CCDC194: variants seen among roughly 807,000 people sequenced by gnomAD.
CCDC194 encodes coiled-coil domain containing 194, also known as coiled-coil domain-containing protein 194.
A neutral mutation model predicts 4.9 loss-of-function variants in CCDC194; 8 were observed. That is an observed-to-expected ratio of 1.65 (90% CI 0.97 to 2.97). The LOEUF is 2.97. CCDC194 is among the 30% of genes most tolerant of loss of function. The pLI, the probability that CCDC194 is intolerant of heterozygous loss-of-function variation, is 0.00. For missense variants in CCDC194, 52 were observed against 43.1 expected, an observed-to-expected ratio of 1.21 and a Z score of -0.58; for synonymous variants, 13 against 17.0, an observed-to-expected ratio of 0.76 and a Z score of 0.58.
downstream of CCDC194, among the ~76,000 whole-genome samples, chr19:17,387,410 C>A (rs1440532150): frequency 6.6e-6 from 1 of 150,752 alleles, no homozygotes; most frequent in Admixed American, 6.6e-5. Flanking sequence ...CCAAGCCCTA[C>A]ACACACACAC....
downstream of CCDC194, among the ~76,000 whole-genome samples, chr19:17,389,228 T>TG (rs767396737): frequency 2.0e-5 from 3 of 152,176 alleles, no homozygotes; most frequent in Non-Finnish European, 4.4e-5. Flanking sequence ...GTTAAGGAGT[T>TG]GGAGATTAAT....
At chr19:17,387,534 A>G (rs2074640082), downstream of CCDC194, among the ~76,000 whole-genome samples, 1 of 152,154 alleles carries the variant, frequency 6.6e-6, no homozygotes, top group Admixed American at 6.6e-5. Context: ...CCTGGCCAAC[A>G]TGGTGAAACC....
chr19:17,391,909 G>T, intron 1 of CCDC194, 63 bp from the exon 2 acceptor site: 1 of 1,406,800 alleles, frequency 7.1e-7, no homozygotes. Flanking sequence ...GATTCGGCCT[G>T]GCCCTTTTGG....
In CCDC194 at chr19:17,391,176, A is replaced by T. The variant is rs2074652973; in HGVS notation, c.554+35T>A. 1.0e-5 allele frequency: 4 copies of T among 395,154 alleles called. No homozygotes were observed. In the East Asian group the frequency reaches 1.4e-4, roughly 14 times the overall value. 24.5% of individuals were successfully genotyped at this position (395,154 alleles called of 1,614,324 possible). A position where few individuals can be genotyped will look rare whatever the true frequency, so the allele number is the denominator to read the frequency against. On this transcript the variant is annotated intron_variant, in intron 3 of 3. Transcript: ENST00000636079. ...AGCATTGGTCGCGCCCTCCCCGTCC[A>T]TCCGACCCCGCCCTCGGGCCAGCCC...
exon 2 of CCDC194, chr19:17,391,791 G>A: frequency 6.5e-7 from 1 of 1,535,574 alleles, no homozygotes; most frequent in East Asian, 2.4e-5. Context: ...GGTCCCCTGT[G>A]CCTTGGCTTC....
chr19:17,391,675 C>A (rs1464386100), intron 2 of CCDC194, 75 bp downstream of exon 2: 2 of 1,535,214 alleles, frequency 1.3e-6, no homozygotes, highest in Non-Finnish European at 8.7e-7. Flanking sequence ...TGCAACTGTG[C>A]TTGTTTGGAT....
chr19:17,388,166 G>A (rs986400806), downstream of CCDC194, among the ~76,000 whole-genome samples: 2 of 146,784 alleles, frequency 1.4e-5, no homozygotes, highest in African/African-American at 2.5e-5. Context: ...GATTACAGGC[G>A]TGAGCCACCC....
intron 1 of CCDC194, among the ~76,000 whole-genome samples, chr19:17,393,350 C>T (rs2074661756): frequency 1.4e-5 from 2 of 145,748 alleles, no homozygotes; most frequent in South Asian, 4.3e-4. Flanking sequence ...CACCATTTAT[C>T]TGGCAAATAG....
In CCDC194 at chr19:17,391,085, TG is replaced by T. The variant is rs906104627; in HGVS notation, c.554+125del. On this transcript the variant is annotated intron_variant, in intron 3 of 3. Coordinates refer to ENST00000636079, the Ensembl canonical transcript of CCDC194. ...CAGGATCCCCCTATTAAATCAACAA[TG>T]CCCCCCCCCCACCACAATTCCACGC... 10 of 222,726 alleles carry T rather than the reference TG, an allele frequency of 4.5e-5. No individual in the cohort carries two copies. The African/African-American group carries it at 7.6e-4, about 17-fold the overall frequency. 13.8% of individuals were successfully genotyped at this position (222,726 alleles called of 1,614,324 possible). A position where few individuals can be genotyped will look rare whatever the true frequency, so the allele number is the denominator to read the frequency against.
chr19:17,392,778 G>T (rs997672372), intron 1 of CCDC194, among the ~76,000 whole-genome samples: 1 of 152,200 alleles, frequency 6.6e-6, no homozygotes, highest in Non-Finnish European at 1.5e-5. Flanking sequence ...AGGCGGGAGT[G>T]CAGTGGTGGG....
At chr19:17,388,122 G>A (rs11881197), downstream of CCDC194, among the ~76,000 whole-genome samples, 21,726 of 150,582 alleles carry the variant, frequency 0.14, 2,100 homozygotes, top group African/African-American at 0.28. Context: ...TCCTGACCTC[G>A]TGATCCGCCC....
At chr19:17,392,983 C>T (rs2074660575) in intron 1 of CCDC194, among the ~76,000 whole-genome samples, 2 of 152,102 alleles carry the variant, frequency 1.3e-5, no homozygotes, top group Admixed American at 1.3e-4. Context: ...CGCCCGGCCC[C>T]ATTTTGATTT....
At chr19:17,391,786 C>A in exon 2 of CCDC194, 1 of 1,535,656 alleles carries the variant, frequency 6.5e-7, no homozygotes, top group Non-Finnish European at 8.7e-7. Context: ...ATCTGGGTCC[C>A]CTGTGCCTTG....
intron 2 of CCDC194, 54 bp from the exon 3 acceptor site, chr19:17,391,397 A>G: frequency 2.8e-6 from 1 of 362,088 alleles, no homozygotes; most frequent in South Asian, 3.2e-5. Flanking sequence ...CACCCGCCCC[A>G]CGCACGCCGG....
At chr19:17,389,882 T>C (rs1841583696), downstream of CCDC194, among the ~76,000 whole-genome samples, 1 of 152,168 alleles carries the variant, frequency 6.6e-6, no homozygotes, top group African/African-American at 2.4e-5. Context: ...GGAGAATTGC[T>C]TGAACCTGGG....
intron 1 of CCDC194, 107 bp downstream of exon 1, chr19:17,393,727 AC>A (rs2074663657): frequency 2.6e-6 from 1 of 390,018 alleles, no homozygotes; most frequent in South Asian, 1.4e-4. Context: ...AATTCGAGGA[AC>A]TGGGGAAACC....
downstream of CCDC194, among the ~76,000 whole-genome samples, chr19:17,387,432 C>T (rs895389736): frequency 1.3e-5 from 2 of 151,728 alleles, no homozygotes; most frequent in African/African-American, 4.8e-5. Flanking sequence ...CACACAAAAA[C>T]GGGGGCCGGG....
chr19:17,394,098 C>A, exon 1 of CCDC194: 1 of 392,444 alleles, frequency 2.5e-6, no homozygotes, highest in Non-Finnish European at 4.5e-6. Flanking sequence ...AGGAACACGG[C>A]CACCCCGCAC....
At chr19:17,388,934 G>C (rs1430167361), downstream of CCDC194, among the ~76,000 whole-genome samples, 1 of 152,100 alleles carries the variant, frequency 6.6e-6, no homozygotes, top group African/African-American at 2.4e-5. Flanking sequence ...GACGTCCTGG[G>C]CTCAAGTGAT....
Sources: gnomAD v4.1 joint callset for allele counts (sites outside exome capture counted in the v4.1 genomes callset) on GRCh38, gnomAD v4.1.1 for gene constraint, MANE v1.5 for transcripts, NCBI Gene and HGNC (gene_info 2026-07-23, HGNC 2026-07-21) for gene names.